RGS20: variants seen among roughly 807,000 people sequenced by gnomAD.
RGS20 encodes gz-selective GTPase-activating protein.
A neutral mutation model predicts 33.6 loss-of-function variants in RGS20; 30 were observed. That is an observed-to-expected ratio of 0.89 (90% CI 0.67 to 1.21). The LOEUF (loss-of-function observed/expected upper bound fraction) is 1.21, where lower values mean the gene tolerates loss of function less well. Ranked by LOEUF, RGS20 falls within the 50% of genes most tolerant of loss-of-function variation. RGS20 has a pLI of 0.00. For synonymous variants in RGS20, 208 were observed against 197.9 expected, an observed-to-expected ratio of 1.05 and a Z score of -0.43; for missense variants, 472 against 502.4, an observed-to-expected ratio of 0.94 and a Z score of 0.58.
intron 1 of RGS20, among the ~76,000 whole-genome samples, chr8:53,855,416 G>A (rs1385993790): frequency 6.6e-6 from 1 of 152,174 alleles, no homozygotes; most frequent in East Asian, 1.9e-4. Flanking sequence ...CATATTCATG[G>A]TTGCCAAAGA....
At chr8:53,871,654 G>A (rs1812071818) in intron 1 of RGS20, among the ~76,000 whole-genome samples, 1 of 151,970 alleles carries the variant, frequency 6.6e-6, no homozygotes, top group Non-Finnish European at 1.5e-5. Context: ...ACAACAGCTT[G>A]TCCCTGGTCT....
chr8:53,882,226 A>AG (rs941225409), intron 2 of RGS20, among the ~76,000 whole-genome samples: 39 of 151,998 alleles, frequency 2.6e-4, no homozygotes, highest in Admixed American at 6.5e-4. Context: ...GGGCGCCGGG[A>AG]GGGGGTCTAT....
intron 2 of RGS20, chr8:53,914,779 C>T (rs1169864976): frequency 6.6e-6 from 1 of 152,092 alleles, no homozygotes; most frequent in African/African-American, 2.4e-5. Flanking sequence ...TAGCATGGCC[C>T]CTGCGCGAGG....
chr8:53,877,561 C>A lies in RGS20; in HGVS notation c.166-1697C>A, dbSNP rs1395693451. ...GATTTCCAAGTCGCCCACTTTCCCCCTCGAGGGAGCTGTTGGCGCTTCTCC... is the reference window on the plus strand; with the variant it reads ...GATTTCCAAGTCGCCCACTTTCCCCATCGAGGGAGCTGTTGGCGCTTCTCC... On this transcript the variant is annotated intron_variant, in intron 1 of 5. Transcript: ENST00000297313. The surrounding 1 kb of genome is among the most constrained non-coding windows in gnomAD (Gnocchi z 5.7). Among the ~76,000 whole-genome samples, 1 of 152,246 alleles carries A rather than the reference C, an allele frequency of 6.6e-6. No individual in the cohort carries two copies. Among genetic ancestry groups the A allele is most frequent in the Non-Finnish European group, 1.5e-5 (1 of 68,044 alleles).
At chr8:53,887,922 T>C (rs1285918325) in intron 2 of RGS20, among the ~76,000 whole-genome samples, 1 of 151,136 alleles carries the variant, frequency 6.6e-6, no homozygotes, top group Admixed American at 6.6e-5. Context: ...GAGGTTGCAG[T>C]GGGCCATGAT....
At chr8:53,943,360 A>T (rs111421293) in intron 3 of RGS20, among the ~76,000 whole-genome samples, 78 of 152,288 alleles carry the variant, frequency 5.1e-4, no homozygotes, top group African/African-American at 1.6e-3. Flanking sequence ...TTTTGCTGTA[A>T]GGCCTTCTGG....
At chr8:53,885,951 A>C (rs1812531221) in intron 2 of RGS20, among the ~76,000 whole-genome samples, 1 of 152,198 alleles carries the variant, frequency 6.6e-6, no homozygotes, top group African/African-American at 2.4e-5. Flanking sequence ...CCAGTTTGGC[A>C]GAACTTAGTT....
chr8:53,859,314 A>T (rs1811756193), intron 1 of RGS20, among the ~76,000 whole-genome samples: 1 of 152,202 alleles, frequency 6.6e-6, no homozygotes, highest in South Asian at 2.1e-4. Context: ...GAATATTTTA[A>T]ATGGCAAAAA....
chr8:53,869,640 C>T (rs1243318028), intron 1 of RGS20, among the ~76,000 whole-genome samples: 6 of 152,166 alleles, frequency 3.9e-5, no homozygotes, highest in Non-Finnish European at 7.3e-5. Context: ...CACGCCACTA[C>T]ACTCCAGCCT....
At chr8:53,900,936 C>T (rs189485539) in intron 2 of RGS20, among the ~76,000 whole-genome samples, 35 of 152,266 alleles carry the variant, frequency 2.3e-4, no homozygotes, top group African/African-American at 7.9e-4. Context: ...ACCCCAGTCA[C>T]GGCAGGGCTG....
At chr8:53,857,231 C>T (rs183061555) in intron 1 of RGS20, among the ~76,000 whole-genome samples, 163 of 152,344 alleles carry the variant, frequency 1.1e-3, no homozygotes, top group African/African-American at 3.7e-3. Context: ...TTCTCTCTGC[C>T]GTGGCTAGCA....
chr8:53,891,240 A>G (rs1413665361), intron 2 of RGS20, among the ~76,000 whole-genome samples: 1 of 152,240 alleles, frequency 6.6e-6, no homozygotes, highest in Non-Finnish European at 1.5e-5. Flanking sequence ...TTTAGTTTAT[A>G]TAATATTTTT....
At chr8:53,954,011 G>A (rs1339143504) in intron 4 of RGS20, 65 bp from the exon 4 acceptor site, 5 of 1,076,824 alleles carry the variant, frequency 4.6e-6, no homozygotes, top group Non-Finnish European at 7.2e-6. Flanking sequence ...TGTTCCTAAT[G>A]ATGAATTCCA....
At chr8:53,859,712 A>G (rs996133670) in intron 1 of RGS20, among the ~76,000 whole-genome samples, 1 of 152,160 alleles carries the variant, frequency 6.6e-6, no homozygotes, top group Non-Finnish European at 1.5e-5. Flanking sequence ...GGTTTAATGG[A>G]CTCACAGTTC....
At chr8:53,954,689 CTTTTT>C (rs139245547) in intron 5 of RGS20, among the ~76,000 whole-genome samples, 1 of 131,178 alleles carries the variant, frequency 7.6e-6, no homozygotes, top group Non-Finnish European at 1.6e-5. Flanking sequence ...AAGTAATTGC[CTTTTT>C]TTTTTTTTTT....
intron 2 of RGS20, among the ~76,000 whole-genome samples, chr8:53,904,900 C>G (rs1481992535): frequency 6.6e-6 from 1 of 152,130 alleles, no homozygotes; most frequent in Non-Finnish European, 1.5e-5. Flanking sequence ...CCCAAAAGGC[C>G]ATTGTAAAAG....
At chr8:53,858,108 C>G (rs1025582199) in intron 1 of RGS20, among the ~76,000 whole-genome samples, 1 of 152,142 alleles carries the variant, frequency 6.6e-6, no homozygotes, top group Non-Finnish European at 1.5e-5. Context: ...TCTTATATAG[C>G]TAACTTGGAC....
chr8:53,873,279 A>T (rs1563348508), intron 1 of RGS20, among the ~76,000 whole-genome samples: 1 of 152,186 alleles, frequency 6.6e-6, no homozygotes, highest in Admixed American at 6.5e-5. Context: ...AACCAATTAA[A>T]TTGCTTTTCT....
intron 4 of RGS20, among the ~76,000 whole-genome samples, chr8:53,946,979 T>A (rs1304591112): frequency 2.0e-5 from 3 of 151,094 alleles, no homozygotes; most frequent in Non-Finnish European, 4.4e-5. Context: ...TAATTGCAAA[T>A]ACAAATAGAT....
Sources: allele counts gnomAD v4.1 joint callset (sites outside exome capture counted in the v4.1 genomes callset), GRCh38; gene constraint gnomAD v4.1.1; non-coding constraint Gnocchi (gnomAD v3.1); transcripts MANE v1.5; gene names NCBI Gene and HGNC (gene_info 2026-07-23, HGNC 2026-07-21).